Variants in CR1 observed in about 807,000 individuals in gnomAD.
CR1 encodes the protein complement C3b/C4b receptor 1 (Knops blood group).
A neutral mutation model predicts 187.3 loss-of-function variants in CR1; 116 were observed. The observed-to-expected ratio is 0.62, with a 90% CI of 0.53 to 0.72. The LOEUF is 0.72. CR1 is among the 30% of genes least tolerant of loss of function. CR1 has a pLI of 0.00. For missense variants in CR1, 1,731 were observed against 2,110.7 expected (o/e 0.82, Z 3.52); for synonymous variants, 576 against 747.1 (o/e 0.77, Z 3.73).
intron 1 of CR1, among the ~76,000 whole-genome samples, chr1:207,500,368 G>A (rs1053080504): frequency 1.3e-5 from 2 of 152,190 alleles, no homozygotes; most frequent in Non-Finnish European, 2.9e-5. Context: ...AGCAAAGCAA[G>A]TGCAAATCTA....
chr1:207,604,440 T>C (rs1427457204), intron 35 of CR1, among the ~76,000 whole-genome samples: 1 of 152,216 alleles, frequency 6.6e-6, no homozygotes, highest in Non-Finnish European at 1.5e-5. Context: ...CACCTAGTTC[T>C]TTTATGGTTT....
At chr1:207,566,570 C>T (rs1221743993) in intron 24 of CR1, among the ~76,000 whole-genome samples, 1 of 150,042 alleles carries the variant, frequency 6.7e-6, no homozygotes, top group Non-Finnish European at 1.5e-5. Flanking sequence ...GACAATAGAG[C>T]AAAGCACTGA....
intron 45 of CR1, among the ~76,000 whole-genome samples, chr1:207,627,132 A>G (rs192947477): frequency 1.3e-5 from 2 of 152,296 alleles, no homozygotes; most frequent in African/African-American, 4.8e-5. Context: ...AAATGATCTC[A>G]CCTTCTTTAA....
At chr1:207,634,310 A>T (rs1011032900) in intron 46 of CR1, among the ~76,000 whole-genome samples, 3 of 152,190 alleles carry the variant, frequency 2.0e-5, no homozygotes, top group Admixed American at 6.5e-5. Context: ...GGTAGGTATA[A>T]AGTCCTTAAA....
chr1:207,581,106 G>GTA (rs944941350), intron 31 of CR1, among the ~76,000 whole-genome samples: 16 of 147,034 alleles, frequency 1.1e-4, no homozygotes, highest in Middle Eastern at 3.5e-3. Context: ...AAAAAAGTGT[G>GTA]TATATATATG....
chr1:207,598,621 T>C (rs1161865490), intron 35 of CR1, among the ~76,000 whole-genome samples: 1 of 152,152 alleles, frequency 6.6e-6, no homozygotes, highest in African/African-American at 2.4e-5. Context: ...GGTTTCACCA[T>C]GTTGGCCAGG....
intron 35 of CR1, chr1:207,605,891 A>G (rs1009996866): frequency 3.9e-5 from 6 of 152,238 alleles, no homozygotes; most frequent in Non-Finnish European, 7.3e-5. Flanking sequence ...TGTGTCTACA[A>G]AAACATTGAC....
rs147286615 is a variant in CR1 at position 207,610,441 on chromosome 1, C to T, written c.6295+753C>T. Among the ~76,000 whole-genome samples the T allele has an allele frequency of 1.7e-3, 253 of 152,158 alleles. 3 individuals carry two copies. The highest frequency in any genetic ancestry group is 6.0e-3 in the African/African-American group (250 of 41,504). On this transcript the variant is annotated intron_variant, in intron 37 of 46. Coordinates refer to ENST00000367049, the MANE Select transcript of CR1 (RefSeq NM_000651.6). Reference sequence around the variant, plus strand: ...TCTAACTCCTGGGCTCAAGTAAGACCTCTGCCTCAGTCTCACAGGTAGCTG... The same window carrying T: ...TCTAACTCCTGGGCTCAAGTAAGACTTCTGCCTCAGTCTCACAGGTAGCTG...
intron 35 of CR1, chr1:207,598,968 A>G (rs1207188508): frequency 6.6e-6 from 1 of 152,230 alleles, no homozygotes; most frequent in Admixed American, 6.5e-5. Flanking sequence ...TCAGGGAGAA[A>G]GAGGATGGTC....
intron 35 of CR1, among the ~76,000 whole-genome samples, chr1:207,599,346 G>A (rs1025361600): frequency 3.3e-5 from 5 of 152,106 alleles, no homozygotes; most frequent in South Asian, 4.1e-4. Context: ...TTTAAAAGAC[G>A]GAAGTAGAGG....
chr1:207,507,400 C>T (rs1240492099), intron 3 of CR1: 2 of 152,438 alleles, frequency 1.3e-5, no homozygotes, highest in African/African-American at 4.8e-5. Flanking sequence ...AGCAGAACTC[C>T]CGTTTCTGTC....
At chr1:207,608,109 ATAC>A (rs1661804965) in intron 36 of CR1, among the ~76,000 whole-genome samples, 1 of 152,238 alleles carries the variant, frequency 6.6e-6, no homozygotes, top group Admixed American at 6.5e-5. Flanking sequence ...TGGTCCAGAG[ATAC>A]TCAATGCAAT....
Position 207,575,617 on chromosome 1 carries a change from T to A in CR1, c.4474T>A (p.Ser1492Thr). 1 of 1,611,850 alleles carries A rather than the reference T, an allele frequency of 6.2e-7. No homozygotes were observed. Among genetic ancestry groups the A allele is most frequent in the Non-Finnish European group, 8.5e-7 (1 of 1,179,702 alleles). ...TAGGCACCGACTCATTGGTCACTCATCTGCTGAATGTATCCTCTCAGGCAA... is the reference window on the plus strand; with the variant it reads ...TAGGCACCGACTCATTGGTCACTCAACTGCTGAATGTATCCTCTCAGGCAA... ...TTGHRLIGHS[S>T]AECILSGNTA... Residue 1492 changes from serine to threonine, a missense_variant, in exon 28 of 47, where the codon TCT becomes ACT. Physicochemically the swap from Ser to Thr is moderately conservative, Grantham distance 58. Transcript: ENST00000367049.
chr1:207,620,126 T>C, intron 43 of CR1, 61 bp downstream of exon 43: 1 of 1,515,892 alleles, frequency 6.6e-7, no homozygotes, highest in Non-Finnish European at 9.0e-7. Flanking sequence ...CATTCATTCA[T>C]CCATATTGGC....
chr1:207,596,755 T>C (rs562496554), intron 35 of CR1, among the ~76,000 whole-genome samples: 3 of 148,742 alleles, frequency 2.0e-5, no homozygotes, highest in Non-Finnish European at 4.5e-5. Flanking sequence ...GCAAGTACGG[T>C]ACAAAGCACA....
At chr1:207,587,685 A>G in intron 34 of CR1, 120 bp downstream of exon 34, 11 of 950,378 alleles carry the variant, frequency 1.2e-5, no homozygotes, top group South Asian at 2.1e-5. Context: ...GATAGCTTGA[A>G]CTCAGGAGTT....
chr1:207,611,114 A>T (rs1179438790), intron 37 of CR1, among the ~76,000 whole-genome samples: 1 of 148,572 alleles, frequency 6.7e-6, no homozygotes, highest in Non-Finnish European at 1.5e-5. Context: ...TTTGTTCTTG[A>T]TGCCTCCTCT....
chr1:207,635,036 C>T (rs185027042), intron 46 of CR1, among the ~76,000 whole-genome samples: 1,829 of 152,276 alleles, frequency 0.012, 18 homozygotes, highest in Non-Finnish European at 0.021. Context: ...TTTCGCCATA[C>T]TTTCTATGTC....
intron 45 of CR1, among the ~76,000 whole-genome samples, chr1:207,629,871 T>G (rs1240546329): frequency 6.6e-6 from 1 of 152,214 alleles, no homozygotes; most frequent in Non-Finnish European, 1.5e-5. Context: ...ATACTTATCC[T>G]CAGTAAATTT....
Sources: gnomAD v4.1 joint callset for allele counts (sites outside exome capture counted in the v4.1 genomes callset) on GRCh38, gnomAD v4.1.1 for gene constraint, MANE v1.5 for transcripts, NCBI Gene and HGNC (gene_info 2026-07-23, HGNC 2026-07-21) for gene names.